Variants in RFX2 observed in about 807,000 individuals in gnomAD.
RFX2 encodes the protein regulatory factor X2.
A neutral mutation model predicts 87.8 loss-of-function variants in RFX2; 20 were observed. That is an observed-to-expected ratio of 0.23 (90% CI 0.16 to 0.33). RFX2 has a LOEUF of 0.33. RFX2 is among the 10% of genes least tolerant of loss of function. RFX2 has a pLI of 1.00. For missense variants in RFX2, 767 were observed against 1,012.3 expected, an observed-to-expected ratio of 0.76 and a Z score of 3.29; for synonymous variants, 397 against 431.3, an observed-to-expected ratio of 0.92 and a Z score of 0.98.
At chr19:6,072,005 G>C (rs548193411) in intron 1 of RFX2, 1 of 152,144 alleles carries the variant, frequency 6.6e-6, no homozygotes, top group African/African-American at 2.4e-5. Flanking sequence ...AGCAACTCAC[G>C]CTGTCCAGGA....
intron 1 of RFX2, among the ~76,000 whole-genome samples, chr19:6,068,846 G>A (rs536786729): frequency 1.3e-5 from 2 of 152,270 alleles, no homozygotes; most frequent in Admixed American, 6.5e-5. Flanking sequence ...TGGCTGCTGG[G>A]TTGAGAATAG....
At chr19:6,033,206 G>A (rs780847008) in intron 5 of RFX2, among the ~76,000 whole-genome samples, 57 of 152,192 alleles carry the variant, frequency 3.7e-4, no homozygotes, top group Admixed American at 9.2e-4. Flanking sequence ...ATCCACGGAC[G>A]TTATAGAATA....
In RFX2 at chr19:6,007,890, G is replaced by T. The variant is rs1355540542; in HGVS notation, c.1135-88C>A. The T allele has an allele frequency of 2.0e-6, 2 of 1,008,226 alleles. No individual in the cohort carries two copies. The highest frequency in any genetic ancestry group is 1.6e-5 in the African/African-American group (1 of 62,808). 62.5% of individuals were successfully genotyped at this position (1,008,226 alleles called of 1,614,324 possible). On this transcript the variant is annotated intron_variant, in intron 10 of 17. Coordinates refer to ENST00000303657, the MANE Select transcript of RFX2 (RefSeq NM_000635.4). The surrounding 1 kb of genome is among the most constrained non-coding windows in gnomAD (Gnocchi z 8.2). ...CGTCAAGTGAGCAGCCGTGATCCGG[G>T]CTACAGCGGGGTGCCCTGGAATCCC...
At chr19:6,109,076 G>T (rs1457168434) in intron 1 of RFX2, among the ~76,000 whole-genome samples, 1 of 151,894 alleles carries the variant, frequency 6.6e-6, no homozygotes, top group African/African-American at 2.4e-5. Flanking sequence ...GGGGCAGGGG[G>T]TGGAGTTTAA....
rs973022461 is a variant in RFX2, at chr19:6,061,202, A to G, written c.-8-13698T>C. ...CCTATCTCCTACCTGGAACCACCAC[A>G]TCCGCCTCCTAATTGGTCTCCCTGC... On this transcript the variant is annotated intron_variant, in intron 1 of 17. Transcript: ENST00000303657. This position sits in a 1 kb window ranked among gnomAD's most constrained non-coding sequence, Gnocchi z 5.2. 1.2e-4 allele frequency among the ~76,000 whole-genome samples: 18 copies of G among 151,872 alleles called. No homozygotes were observed. Among genetic ancestry groups the G allele is most frequent in the African/African-American group, 4.1e-4 (17 of 41,302 alleles).
Position 6,002,141 on chromosome 19 carries a change from G to A in RFX2, c.1651-118C>T. On this transcript the variant is annotated intron_variant, in intron 14 of 17. Transcript: ENST00000303657. This position sits in a 1 kb window ranked among gnomAD's most constrained non-coding sequence, Gnocchi z 6.7. ...GCTGTGCTTGAGCCTTCTCGCCCTT[G>A]ACCTTGACAGCTGCAAGCCAAGTCC... The A allele has an allele frequency of 1.2e-6, 1 of 859,840 alleles. No individual in the cohort carries two copies. The highest frequency in any genetic ancestry group is 1.7e-6 in the Non-Finnish European group (1 of 583,342). 53.3% of individuals were successfully genotyped at this position (859,840 alleles called of 1,614,324 possible).
chr19:6,047,609 C>A lies in RFX2; in HGVS notation c.-8-105G>T. 1 of 906,610 alleles carries A rather than the reference C, an allele frequency of 1.1e-6. No homozygotes were observed. The highest frequency in any genetic ancestry group is 1.4e-5 in the South Asian group (1 of 69,322). 56.2% of individuals were successfully genotyped at this position (906,610 alleles called of 1,614,324 possible). On this transcript the variant is annotated intron_variant, in intron 1 of 17. Coordinates refer to ENST00000303657, the MANE Select transcript of RFX2 (RefSeq NM_000635.4). The surrounding 1 kb of genome is among the most constrained non-coding windows in gnomAD (Gnocchi z 4.2). ...GAGGGAAGGAGTAACCAGCTACATT[C>A]TTCAAAGTCGAAAGGCAGAGACCCT...
At position 6,061,216 on chromosome 19, in the gene RFX2, T is replaced by C. The variant is rs565636784; in HGVS notation, c.-8-13712A>G. On this transcript the variant is annotated intron_variant, in intron 1 of 17. Transcript: ENST00000303657. This position sits in a 1 kb window ranked among gnomAD's most constrained non-coding sequence, Gnocchi z 5.2. The stretch of plus-strand genomic sequence containing the variant: ...GGAACCACCACATCCGCCTCCTAAT[T>C]GGTCTCCCTGCTTCCAGCCTCTGCC... Among the ~76,000 whole-genome samples, 5 of 152,280 alleles carry C rather than the reference T, an allele frequency of 3.3e-5. No individual in the cohort carries two copies. The East Asian group carries it at 7.7e-4, about 24-fold the overall frequency.
rs2086836552 is a variant in RFX2 at position 6,022,885 on chromosome 19, T to C, written c.597+3278A>G. Among the ~76,000 whole-genome samples, 1 of 152,216 alleles carries C rather than the reference T, an allele frequency of 6.6e-6. No individual in the cohort carries two copies. The highest frequency in any genetic ancestry group is 6.5e-5 in the Admixed American group (1 of 15,288). ...GGGTCTGGACAATGCTGTCTCGTTTTACCAGGCTCCCAGCACCTGAATACA... is the reference window on the plus strand; with the variant it reads ...GGGTCTGGACAATGCTGTCTCGTTTCACCAGGCTCCCAGCACCTGAATACA... On this transcript the variant is annotated intron_variant, in intron 6 of 17. Transcript: ENST00000303657. This position sits in a 1 kb window ranked among gnomAD's most constrained non-coding sequence, Gnocchi z 6.2.
intron 6 of RFX2, among the ~76,000 whole-genome samples, chr19:6,025,926 C>T (rs1241321791): frequency 6.6e-6 from 1 of 151,636 alleles, no homozygotes; most frequent in African/African-American, 2.4e-5. Flanking sequence ...GCTGGGATTA[C>T]AGGCGCCCAC....
At chr19:6,103,969 C>T (rs2088169074) in intron 1 of RFX2, among the ~76,000 whole-genome samples, 1 of 152,092 alleles carries the variant, frequency 6.6e-6, no homozygotes, top group African/African-American at 2.4e-5. Flanking sequence ...TATTAGATGC[C>T]AGCCCCTGTG....
rs981346495 is a variant in RFX2, at chr19:6,047,667, C to G, written c.-8-163G>C. ...CTGCCTAAGTGAGGAGCTGCGGAAA[C>G]AGGCTGCACAACTGTCCCACAGAAG... On this transcript the variant is annotated intron_variant, in intron 1 of 17. Transcript: ENST00000303657. The surrounding 1 kb of genome is among the most constrained non-coding windows in gnomAD (Gnocchi z 4.2). Among the ~76,000 whole-genome samples, 1 of 152,208 alleles carries G rather than the reference C, an allele frequency of 6.6e-6. No individual in the cohort carries two copies. The highest frequency in any genetic ancestry group is 6.5e-5 in the Admixed American group (1 of 15,286).
Position 6,010,224 on chromosome 19 carries a change from G to A in RFX2, c.927C>T (p.Ser309=). 1 of 1,547,994 alleles carries A rather than the reference G, an allele frequency of 6.5e-7. No homozygotes were observed. The highest frequency in any genetic ancestry group is 8.7e-7 in the Non-Finnish European group (1 of 1,146,918). The change falls in exon 9 of 18, where the codon AGC becomes AGT. Residue 309 remains serine (S), a synonymous_variant. Coordinates refer to ENST00000303657, the MANE Select transcript of RFX2 (RefSeq NM_000635.4). The surrounding 1 kb of genome is among the most constrained non-coding windows in gnomAD (Gnocchi z 5.0). ...CGCTGTGGGAGCCGCTGTCCCCGAG[G>A]CTGTCCGTCTTCTGGGCTGGCCGGT... is the stretch of plus-strand genomic sequence containing the variant. The part of the protein sequence containing the change: ...PRYRPAQKTD[S]LGDSGSHSGL...
In RFX2 at chr19:6,074,773, C is replaced by T. The variant is rs1568185687; in HGVS notation, c.-8-27269G>A. Among the ~76,000 whole-genome samples, 1 of 152,176 alleles carries T rather than the reference C, an allele frequency of 6.6e-6. No individual in the cohort carries two copies. The highest frequency in any genetic ancestry group is 1.5e-5 in the Non-Finnish European group (1 of 68,030). ...CAGAGTGAGGTGAGGAAAGTGTCGC[C>T]GCTGAGAAGGCTCTGCCAGGGATGG... On this transcript the variant is annotated intron_variant, in intron 1 of 17. Transcript: ENST00000303657. The surrounding 1 kb of genome is among the most constrained non-coding windows in gnomAD (Gnocchi z 5.2).
rs1293061891 is a variant in RFX2, at chr19:6,064,667, C to G, written c.-8-17163G>C. The stretch of plus-strand genomic sequence containing the variant: ...CTGCCTGTGTGACCCTTCCTCCTGA[C>G]AGCCATCTCTAGAGACAGCCAGTGA... On this transcript the variant is annotated intron_variant, in intron 1 of 17. Coordinates refer to ENST00000303657, the MANE Select transcript of RFX2 (RefSeq NM_000635.4). This position sits in a 1 kb window ranked among gnomAD's most constrained non-coding sequence, Gnocchi z 4.8. Among the ~76,000 whole-genome samples the G allele has an allele frequency of 1.3e-5, 2 of 152,236 alleles. No homozygotes were observed. The highest frequency in any genetic ancestry group is 6.5e-5 in the Admixed American group (1 of 15,286).
intron 1 of RFX2, among the ~76,000 whole-genome samples, chr19:6,100,743 G>T (rs757165381): frequency 1.8e-4 from 27 of 151,884 alleles, no homozygotes; most frequent in Non-Finnish European, 3.8e-4. Context: ...ACTGCAAATT[G>T]ATGAGTCTTT....
chr19:6,102,613 G>T (rs2088144754), intron 1 of RFX2, among the ~76,000 whole-genome samples: 2 of 152,196 alleles, frequency 1.3e-5, no homozygotes, highest in African/African-American at 4.8e-5. Flanking sequence ...TTGCTCGCCA[G>T]GCATCAGCCA....
At position 6,002,696 on chromosome 19, in the gene RFX2, C is replaced by A; in HGVS notation, c.1650+25G>T. 6.2e-7 allele frequency: 1 copy of A among 1,610,516 alleles called. No individual in the cohort carries two copies. The highest frequency in any genetic ancestry group is 8.5e-7 in the Non-Finnish European group (1 of 1,178,116). On this transcript the variant is annotated intron_variant, in intron 14 of 17. Coordinates refer to ENST00000303657, the MANE Select transcript of RFX2 (RefSeq NM_000635.4). This position sits in a 1 kb window ranked among gnomAD's most constrained non-coding sequence, Gnocchi z 6.7. ...TGCTGGAGGGCGGGAAGCCCGGGCC[C>A]TGGGGACGGTGTGGAGGAAGTCACC...
rs371719985 is a variant in RFX2, at chr19:6,063,433, C to G, written c.-8-15929G>C. On this transcript the variant is annotated intron_variant, in intron 1 of 17. Coordinates refer to ENST00000303657, the MANE Select transcript of RFX2 (RefSeq NM_000635.4). This position sits in a 1 kb window ranked among gnomAD's most constrained non-coding sequence, Gnocchi z 4.0. The stretch of plus-strand genomic sequence containing the variant: ...CCACCGGAGGCTGGCACTGGTGTCT[C>G]CTGCACACAACGCAGGGAGGGTGAG... 4.6e-5 allele frequency among the ~76,000 whole-genome samples: 7 copies of G among 152,194 alleles called. No individual in the cohort carries two copies. Among genetic ancestry groups the G allele is most frequent in the East Asian group, 1.9e-4 (1 of 5,192 alleles).
Sources: allele counts gnomAD v4.1 joint callset (sites outside exome capture counted in the v4.1 genomes callset), GRCh38; gene constraint gnomAD v4.1.1; non-coding constraint Gnocchi (gnomAD v3.1); transcripts MANE v1.5; gene names NCBI Gene and HGNC (gene_info 2026-07-23, HGNC 2026-07-21).